Variants in LFNG observed in about 807,000 individuals in gnomAD.
LFNG encodes beta-1,3-N-acetylglucosaminyltransferase lunatic fringe.
LFNG carries 15 observed loss-of-function variants against 32.7 expected under a neutral mutation model. The observed-to-expected ratio is 0.46, with a 90% CI of 0.31 to 0.71. The LOEUF is 0.71. Ranked by LOEUF, LFNG falls within the 30% of genes least tolerant of loss-of-function variation. The pLI is 0.06. For synonymous variants in LFNG, 274 were observed against 246.8 expected, an observed-to-expected ratio of 1.11 and a Z score of -1.03; for missense variants, 520 against 545.7, an observed-to-expected ratio of 0.95 and a Z score of 0.47.
upstream of LFNG, among the ~76,000 whole-genome samples, chr7:2,519,022 C>G (rs1779701380): frequency 6.6e-6 from 1 of 152,134 alleles, no homozygotes; most frequent in Non-Finnish European, 1.5e-5. Flanking sequence ...CCAAATGGGA[C>G]AGAAGGCGGC....
chr7:2,516,632 T>C (rs1005306099), upstream of LFNG, among the ~76,000 whole-genome samples: 1 of 152,146 alleles, frequency 6.6e-6, no homozygotes, highest in Non-Finnish European at 1.5e-5. Context: ...CCTGGTCATG[T>C]GGGTCCTGGC....
rs1363201174 is a variant in LFNG at position 2,520,164 on chromosome 7, C to T, written c.303C>T (p.Gly101=). The T allele has an allele frequency of 7.4e-6, 11 of 1,493,752 alleles. No individual in the cohort carries two copies. The highest frequency in any genetic ancestry group is 9.8e-6 in the Non-Finnish European group (11 of 1,121,212). 92.5% of individuals were successfully genotyped at this position (1,493,752 alleles called of 1,614,324 possible). ...PPGAAPRPAD[G]HPRPLAEPLA... Reference sequence around the variant, plus strand: ...GGGCTGCCCCCCGCCCCGCCGACGGCCACCCGCGCCCCCTGGCCGAGCCGC... The same window carrying T: ...GGGCTGCCCCCCGCCCCGCCGACGGTCACCCGCGCCCCCTGGCCGAGCCGC... Residue 101 remains glycine, a synonymous_variant, in exon 1 of 8, where the codon GGC becomes GGT. Transcript: ENST00000222725. The surrounding 1 kb of genome is among the most constrained non-coding windows in gnomAD (Gnocchi z 5.0).
In LFNG at chr7:2,526,227, G is replaced by A. The variant is rs1054550572; in HGVS notation, c.822-17G>A. On this transcript the variant is annotated splice_polypyrimidine_tract_variant and intron_variant, in intron 5 of 7. Coordinates refer to ENST00000222725, the MANE Select transcript of LFNG (RefSeq NM_001040167.2). This position sits in a 1 kb window ranked among gnomAD's most constrained non-coding sequence, Gnocchi z 6.9. Reference sequence around the variant, plus strand: ...CTCCCGCCTCTGCTCACTGGTCTGGGCCCTTCCCTCCCGCAGCGGGGGTCA... The same window carrying A: ...CTCCCGCCTCTGCTCACTGGTCTGGACCCTTCCCTCCCGCAGCGGGGGTCA... 1.4e-5 allele frequency: 23 copies of A among 1,612,190 alleles called. No homozygotes were observed. The highest frequency in any genetic ancestry group is 9.3e-5 in the African/African-American group (7 of 74,926).
In LFNG at chr7:2,528,362, C is replaced by A; in HGVS notation, c.*1150C>A. The A allele has an allele frequency of 1.0e-6, 1 of 986,290 alleles. No homozygotes were observed. The highest frequency in any genetic ancestry group is 1.2e-6 in the Non-Finnish European group (1 of 830,110). 61.1% of individuals were successfully genotyped at this position (986,290 alleles called of 1,614,324 possible). On this transcript the variant is annotated 3_prime_UTR_variant, in exon 8 of 8. Coordinates refer to ENST00000222725, the MANE Select transcript of LFNG (RefSeq NM_001040167.2). ...AAGCGAATGATAAGGGAAAAGTTCT[C>A]AGGGAATTGAAGTGTTGTTGCTATG...
chr7:2,522,867 T>C (rs1472391080), intron 1 of LFNG, among the ~76,000 whole-genome samples: 1 of 152,240 alleles, frequency 6.6e-6, no homozygotes, highest in Non-Finnish European at 1.5e-5. Context: ...AGCTCTGTTA[T>C]GCCCATTTTA....
chr7:2,525,837 G>T (rs191825510), intron 5 of LFNG, 67 bp downstream of exon 5: 261 of 1,398,936 alleles, frequency 1.9e-4, no homozygotes, highest in Non-Finnish European at 2.5e-4. Context: ...GCCTGGCTTA[G>T]TTCATCTTCC....
intron 3 of LFNG, 25 bp from the exon 4 acceptor site, chr7:2,525,389 C>T (rs1302851189): frequency 1.2e-6 from 2 of 1,612,692 alleles, no homozygotes; most frequent in South Asian, 1.1e-5. Context: ...CATGCCCTCC[C>T]CCGATGGCCC....
chr7:2,513,070 G>A (rs993843849), upstream of LFNG: 33 of 1,330,680 alleles, frequency 2.5e-5, no homozygotes, highest in African/African-American at 4.1e-4. Context: ...CCCACAGTGG[G>A]TTCTCCCTCG....
chr7:2,523,030 C>A (rs531136821), intron 1 of LFNG, among the ~76,000 whole-genome samples: 3 of 152,352 alleles, frequency 2.0e-5, no homozygotes, highest in South Asian at 2.1e-4. Flanking sequence ...GTTCTAGAGG[C>A]CTCCCTGCTC....
At chr7:2,522,108 G>A (rs1779808970) in intron 1 of LFNG, among the ~76,000 whole-genome samples, 3 of 152,216 alleles carry the variant, frequency 2.0e-5, no homozygotes, top group Admixed American at 1.3e-4. Context: ...ATGGTCTGAT[G>A]GGGGAGATAG....
upstream of LFNG, among the ~76,000 whole-genome samples, chr7:2,518,945 C>G (rs1287784717): frequency 1.3e-5 from 2 of 151,910 alleles, no homozygotes; most frequent in African/African-American, 4.8e-5. Flanking sequence ...GGATGGGGGC[C>G]GTGTGCCGGG....
chr7:2,518,668 G>A (rs369336073), upstream of LFNG: 14 of 1,578,216 alleles, frequency 8.9e-6, no homozygotes, highest in East Asian at 6.9e-5. Context: ...ATAACTCCGA[G>A]GGGGGCAGTT....
At position 2,526,385 on chromosome 7, in the gene LFNG, G is replaced by A. The variant is rs753536065; in HGVS notation, c.963G>A (p.Val321=). The part of the protein sequence containing the change: ...FHSHLENLQQ[V]PTSELHEQVT... ...CCCACCTGGAGAACCTGCAGCAGGT[G>A]CCCACCTCGGAGCTCCACGAGCAGG... Residue 321 remains valine (V), a synonymous_variant, in exon 6 of 8, where the codon GTG becomes GTA. Coordinates refer to ENST00000222725, the MANE Select transcript of LFNG (RefSeq NM_001040167.2). The surrounding 1 kb of genome is among the most constrained non-coding windows in gnomAD (Gnocchi z 6.9). The A allele has an allele frequency of 3.1e-6, 5 of 1,609,702 alleles. No homozygotes were observed. In the African/African-American group the frequency reaches 5.3e-5, roughly 17 times the overall value.
intron 2 of LFNG, among the ~76,000 whole-genome samples, chr7:2,524,979 T>A (rs1779911569): frequency 6.6e-6 from 1 of 152,090 alleles, no homozygotes; most frequent in Admixed American, 6.5e-5. Context: ...CGGCAACAGG[T>A]GGCGGGTGCT....
rs752064141 is a variant in LFNG at position 2,525,203 on chromosome 7, G to A, written c.482-16G>A. 2.2e-5 allele frequency: 36 copies of A among 1,610,018 alleles called. No homozygotes were observed. The highest frequency in any genetic ancestry group is 2.9e-5 in the Non-Finnish European group (34 of 1,177,830). On this transcript the variant is annotated splice_polypyrimidine_tract_variant and intron_variant, in intron 2 of 7. Coordinates refer to ENST00000222725, the MANE Select transcript of LFNG (RefSeq NM_001040167.2). ...AGCCGGCTCAGACCTACTCACAGCC[G>A]CTCCCCTGTCCACAGGCAACGTGGT...
At chr7:2,523,293 CT>C (rs1779844561) in intron 1 of LFNG, among the ~76,000 whole-genome samples, 1 of 152,186 alleles carries the variant, frequency 6.6e-6, no homozygotes, top group East Asian at 1.9e-4. Context: ...TCTATGGGTG[CT>C]GCAGGAGGGG....
chr7:2,527,632 C>T lies in LFNG; in HGVS notation c.*420C>T, dbSNP rs1780033073. 1.7e-6 allele frequency: 2 copies of T among 1,163,288 alleles called. No homozygotes were observed. The highest frequency in any genetic ancestry group is 3.9e-5 in the Admixed American group (1 of 25,546). 72.1% of individuals were successfully genotyped at this position (1,163,288 alleles called of 1,614,324 possible). Reference sequence around the variant, plus strand: ...GCTCTGTGCTGGGGGTACCTGTGCCCTGAAGTCCTGGCCCCTGTGTCATAG... The same window carrying T: ...GCTCTGTGCTGGGGGTACCTGTGCCTTGAAGTCCTGGCCCCTGTGTCATAG... On this transcript the variant is annotated 3_prime_UTR_variant, in exon 8 of 8. Transcript: ENST00000222725. The surrounding 1 kb of genome is among the most constrained non-coding windows in gnomAD (Gnocchi z 4.4).
At chr7:2,525,052 G>A (rs1379119378) in intron 2 of LFNG, among the ~76,000 whole-genome samples, 167 bp from the exon 3 acceptor site, 1 of 152,240 alleles carries the variant, frequency 6.6e-6, no homozygotes, top group Non-Finnish European at 1.5e-5. Context: ...GCTGCGGGAG[G>A]GTCCACAGGC....
At chr7:2,512,841 T>TC in intron 1 of LFNG, 1 of 803,484 alleles carries the variant, frequency 1.2e-6, no homozygotes, top group South Asian at 1.5e-5. Context: ...ATCTCCAGCC[T>TC]CACCTCCATG....
Sources: gnomAD v4.1 joint callset for allele counts (sites outside exome capture counted in the v4.1 genomes callset) on GRCh38, gnomAD v4.1.1 for gene constraint, Gnocchi (gnomAD v3.1) non-coding constraint, MANE v1.5 for transcripts, NCBI Gene and HGNC (gene_info 2026-07-23, HGNC 2026-07-21) for gene names.